Variants in GPRC6A observed in about 807,000 individuals in gnomAD.
GPRC6A encodes G protein-coupled receptor family C group 6 member A.
GPRC6A carries 54 observed loss-of-function variants against 47.0 expected under a neutral mutation model. That is an observed-to-expected ratio of 1.15 (90% confidence interval 0.92 to 1.44). GPRC6A has a LOEUF of 1.44. Among genes scored for constraint, GPRC6A ranks in the 40% most tolerant of loss-of-function variants. The pLI, the probability that GPRC6A is intolerant of heterozygous loss-of-function variation, is 0.00. For missense variants in GPRC6A, 1,112 were observed against 1,105.5 expected (o/e 1.01, Z -0.08); for synonymous variants, 347 against 377.1 (o/e 0.92, Z 0.93).
intron 1 of GPRC6A, among the ~76,000 whole-genome samples, chr6:116,815,573 TCTC>T (rs1773178515): frequency 1.3e-5 from 2 of 152,184 alleles, no homozygotes; most frequent in Admixed American, 1.3e-4. Flanking sequence ...TACACATTCT[TCTC>T]AGTGCATGGA....
At chr6:116,823,992 C>A (rs924762329) in intron 1 of GPRC6A, among the ~76,000 whole-genome samples, 2 of 152,034 alleles carry the variant, frequency 1.3e-5, no homozygotes, top group African/African-American at 4.8e-5. Context: ...CACCTCCTAC[C>A]AGGCTCCATC....
intron 1 of GPRC6A, among the ~76,000 whole-genome samples, chr6:116,811,282 T>C (rs1773015678): frequency 6.6e-6 from 1 of 152,064 alleles, no homozygotes; most frequent in Non-Finnish European, 1.5e-5. Context: ...ACACTATCTA[T>C]TCATCCTTAG....
Position 116,800,657 on chromosome 6 carries a change from G to A in GPRC6A, c.1475C>T (p.Ala492Val). Residue 492 changes from alanine (A) to valine (V), a missense_variant, in exon 4 of 6, where the codon GCA becomes GTA. By Grantham distance (64) the Ala-to-Val change is moderately conservative. Transcript: ENST00000310357. ...GACATCATTCTGTAGGTCATATTCT[G>A]CCATCTTAGTGACAGTCATGTGTCC... ...INGHMTVTKM[A>V]EYDLQNDVFI... is the part of the protein sequence containing the mutation. 1 of 1,612,988 alleles carries A rather than the reference G, an allele frequency of 6.2e-7. No homozygotes were observed. Among genetic ancestry groups the A allele is most frequent in the Non-Finnish European group, 8.5e-7 (1 of 1,179,206 alleles).
Position 116,806,882 on chromosome 6 carries a change from C to A in GPRC6A, c.823G>T (p.Val275Leu). Residue 275 changes from valine to leucine, a missense_variant, in exon 3 of 6, where the codon GTG (valine) becomes TTG (leucine). Coordinates refer to ENST00000310357, the MANE Select transcript of GPRC6A (RefSeq NM_148963.4). ...IILEAQVNVI[V>L]VFLRQFHVFD... ...ACATGGAATTGCCTCAGAAATACCA[C>A]AATGACATTAACCTGGGCTTCTAAA... 1 of 1,613,520 alleles carries A rather than the reference C, an allele frequency of 6.2e-7. No homozygotes were observed.
At chr6:116,814,363 A>G (rs1773133937) in intron 1 of GPRC6A, among the ~76,000 whole-genome samples, 1 of 152,214 alleles carries the variant, frequency 6.6e-6, no homozygotes, top group Admixed American at 6.5e-5. Context: ...CCAAATGTCC[A>G]TCAATAATAG....
At chr6:116,813,817 A>G (rs1228823826) in intron 1 of GPRC6A, among the ~76,000 whole-genome samples, 1 of 152,260 alleles carries the variant, frequency 6.6e-6, no homozygotes, top group Non-Finnish European at 1.5e-5. Flanking sequence ...TAGAGTGAAC[A>G]GGCAACTTAC....
intron 5 of GPRC6A, among the ~76,000 whole-genome samples, chr6:116,794,305 A>C (rs1192342052): frequency 1.3e-5 from 2 of 152,122 alleles, no homozygotes; most frequent in Non-Finnish European, 2.9e-5. Flanking sequence ...TCCCCTAAAA[A>C]ATCTGTTCTT....
At chr6:116,794,303 A>C (rs948513680) in intron 5 of GPRC6A, among the ~76,000 whole-genome samples, 9 of 152,154 alleles carry the variant, frequency 5.9e-5, no homozygotes, top group Non-Finnish European at 1.0e-4. Context: ...ATTCCCCTAA[A>C]AAATCTGTTC....
chr6:116,823,346 C>G (rs1474857290), intron 1 of GPRC6A, among the ~76,000 whole-genome samples: 6 of 152,140 alleles, frequency 3.9e-5, no homozygotes, highest in Non-Finnish European at 7.4e-5. Context: ...GGCAGGGGCA[C>G]AATGCCACCA....
rs763381094 is a variant in GPRC6A, at chr6:116,792,502, G to A, written c.2421C>T (p.Gly807=). ...TAATCTCCACAGCTGGTACATATTTGCCAAATGTGGTAGCATAGATAGGGA... is the reference window on the plus strand; with the variant it reads ...TAATCTCCACAGCTGGTACATATTTACCAAATGTGGTAGCATAGATAGGGA... The part of the protein sequence containing the change: ...TFIPIYATTF[G]KYVPAVEIIV... Residue 807 remains glycine (G), a synonymous_variant, in exon 6 of 6, where the codon GGC becomes GGT. Transcript: ENST00000310357. 2 of 1,613,760 alleles carry A rather than the reference G, an allele frequency of 1.2e-6. No homozygotes were observed. The highest frequency in any genetic ancestry group is 1.3e-5 in the African/African-American group (1 of 75,022).
chr6:116,813,268 A>G (rs1773088102), intron 1 of GPRC6A, among the ~76,000 whole-genome samples: 1 of 152,232 alleles, frequency 6.6e-6, no homozygotes, highest in Admixed American at 6.5e-5. Flanking sequence ...TTTAAAGTTC[A>G]TATGGAACCA....
At chr6:116,793,383 A>G (rs529137140) in intron 5 of GPRC6A, 133 bp from the exon 6 acceptor site, 12 of 537,304 alleles carry the variant, frequency 2.2e-5, no homozygotes, top group African/African-American at 2.1e-4. Context: ...TACATTGGTT[A>G]CTTATTAAAA....
At chr6:116,816,830 G>C (rs1163442179) in intron 1 of GPRC6A, among the ~76,000 whole-genome samples, 4 of 152,230 alleles carry the variant, frequency 2.6e-5, no homozygotes, top group Non-Finnish European at 4.4e-5. Flanking sequence ...TTTTCTGACA[G>C]GCTTAAAAAA....
intron 5 of GPRC6A, 86 bp downstream of exon 5, chr6:116,795,626 G>A (rs2114578045): frequency 8.5e-7 from 1 of 1,177,258 alleles, no homozygotes; most frequent in African/African-American, 1.6e-5. Context: ...TTTTTCAAAT[G>A]AAAAACAAAC....
intron 1 of GPRC6A, among the ~76,000 whole-genome samples, chr6:116,828,144 G>C (rs7740481): frequency 0.31 from 47,686 of 151,830 alleles, 8,055 homozygotes; most frequent in East Asian, 0.53. Flanking sequence ...TACAAAATTA[G>C]CTTGTCCCAA....
intron 2 of GPRC6A, among the ~76,000 whole-genome samples, chr6:116,808,813 A>G (rs948297453): frequency 4.6e-5 from 7 of 152,112 alleles, no homozygotes; most frequent in African/African-American, 1.4e-4. Flanking sequence ...AACTTAGTAC[A>G]CAGTGCTGTG....
In GPRC6A at chr6:116,806,656, C is replaced by T; in HGVS notation, c.1049G>A (p.Ser350Asn). Reference protein sequence around the residue: ...LQNLHLLPSDSHKLLHEYAMH... With the variant: ...LQNLHLLPSDNHKLLHEYAMH... ...GGCATATTCATGTAAGAGTTTGTGACTGTCACTGGGAAGCAAGTGCAGATT... is the reference window on the plus strand; with the variant it reads ...GGCATATTCATGTAAGAGTTTGTGATTGTCACTGGGAAGCAAGTGCAGATT... The change falls in exon 3 of 6, where the codon AGT (serine) becomes AAT (asparagine). Residue 350 changes from serine (S) to asparagine (N), a missense_variant. Transcript: ENST00000310357. 5 of 1,613,592 alleles carry T rather than the reference C, an allele frequency of 3.1e-6. No individual in the cohort carries two copies. Among genetic ancestry groups the T allele is most frequent in the Non-Finnish European group, 4.2e-6 (5 of 1,179,786 alleles).
intron 1 of GPRC6A, among the ~76,000 whole-genome samples, chr6:116,812,348 C>T (rs1003080172): frequency 2.6e-5 from 4 of 152,150 alleles, no homozygotes; most frequent in Admixed American, 6.5e-5. Flanking sequence ...CACCACTAGA[C>T]TGGCCCTAAA....
chr6:116,812,596 G>T (rs1042071382), intron 1 of GPRC6A, among the ~76,000 whole-genome samples: 2 of 152,016 alleles, frequency 1.3e-5, no homozygotes, highest in African/African-American at 4.8e-5. Flanking sequence ...CATTAACCTT[G>T]GATTTAAAAG....
Sources: gnomAD v4.1 joint callset for allele counts (sites outside exome capture counted in the v4.1 genomes callset) on GRCh38, gnomAD v4.1.1 for gene constraint, MANE v1.5 for transcripts, NCBI Gene and HGNC (gene_info 2026-07-23, HGNC 2026-07-21) for gene names.